Variants in HGF observed in about 807,000 individuals in gnomAD.
HGF encodes the protein fibroblast-derived tumor cytotoxic factor.
A neutral mutation model predicts 111.6 loss-of-function variants in HGF; 39 were observed. That is an observed-to-expected ratio of 0.35 (90% CI 0.27 to 0.46). The LOEUF is 0.46. Ranked by LOEUF, HGF falls within the 20% of genes least tolerant of loss-of-function variation. HGF has a pLI of 1.00. For missense variants in HGF, 735 were observed against 910.5 expected (o/e 0.81, Z 2.48); for synonymous variants, 285 against 294.8 (o/e 0.97, Z 0.34).
At chr7:81,753,747 TA>T (rs999619414) in intron 4 of HGF, among the ~76,000 whole-genome samples, 1 of 152,022 alleles carries the variant, frequency 6.6e-6, no homozygotes, top group African/African-American at 2.4e-5. Context: ...TCAATGCATC[TA>T]AGTAGTAATA....
In HGF at chr7:81,769,858, T is replaced by A. The variant is rs1554381022; in HGVS notation, c.88+26A>T. 7.3e-6 allele frequency: 11 copies of A among 1,499,046 alleles called. No individual in the cohort carries two copies. In the Admixed American group the frequency reaches 2.0e-4, roughly 27 times the overall value. 92.9% of individuals were successfully genotyped at this position (1,499,046 alleles called of 1,614,324 possible). A position where few individuals can be genotyped will look rare whatever the true frequency, so the allele number is the denominator to read the frequency against. ...CAGGAGAGTTAAATACTAATACTAA[T>A]AATGAAGAAGAAGAAGGGAACTAAC... On this transcript the variant is annotated intron_variant, in intron 1 of 17. Coordinates refer to ENST00000222390, the MANE Select transcript of HGF (RefSeq NM_000601.6).
At chr7:81,718,343 T>A (rs1472407153) in intron 10 of HGF, among the ~76,000 whole-genome samples, 2 of 152,180 alleles carry the variant, frequency 1.3e-5, no homozygotes, top group East Asian at 3.8e-4. Flanking sequence ...TATGAGATAG[T>A]CTTTAAGGTT....
chr7:81,744,758 G>T (rs879346656), intron 6 of HGF, among the ~76,000 whole-genome samples: 3 of 152,104 alleles, frequency 2.0e-5, no homozygotes, highest in Non-Finnish European at 4.4e-5. Context: ...TGACCAGTTG[G>T]CTATGTAGTC....
chr7:81,725,468 T>G (rs1031244614), intron 9 of HGF, among the ~76,000 whole-genome samples: 2 of 152,168 alleles, frequency 1.3e-5, no homozygotes, highest in African/African-American at 4.8e-5. Context: ...TAAGATCTTA[T>G]AGCAAGTAAG....
rs2115727629 is a variant in HGF, at chr7:81,699,720, C to T, written c.*2861G>A. On this transcript the variant is annotated 3_prime_UTR_variant, in exon 18 of 18. Coordinates refer to ENST00000222390, the MANE Select transcript of HGF (RefSeq NM_000601.6). ...CTATAACATTCACTTTGTACAGTAC[C>T]ATTGGTACCAACAAGAAATATTCAC... 6.6e-6 allele frequency: 1 copy of T among 151,686 alleles called. No homozygotes were observed. The highest frequency in any genetic ancestry group is 1.9e-4 in the East Asian group (1 of 5,162). The allele number at this position is 151,686 out of a possible 1,614,324, so 9.4% of individuals were successfully genotyped here.
chr7:81,713,557 T>C (rs1195510632), intron 11 of HGF, among the ~76,000 whole-genome samples: 2 of 151,396 alleles, frequency 1.3e-5, no homozygotes, highest in Non-Finnish European at 2.9e-5. Context: ...AAAAAATTTG[T>C]AGACACTATA....
At chr7:81,738,277 A>G (rs939702367) in intron 7 of HGF, among the ~76,000 whole-genome samples, 18 of 152,172 alleles carry the variant, frequency 1.2e-4, no homozygotes, top group African/African-American at 4.3e-4. Context: ...TTTGTCTCTG[A>G]AAAGCAGGAA....
At chr7:81,746,759 TA>T (rs1314736501) in intron 5 of HGF, among the ~76,000 whole-genome samples, 1 of 152,106 alleles carries the variant, frequency 6.6e-6, no homozygotes, top group Non-Finnish European at 1.5e-5. Flanking sequence ...AGCAGTATTA[TA>T]AAAATTTTTC....
intron 7 of HGF, among the ~76,000 whole-genome samples, chr7:81,739,159 T>TCC (rs1787926369): frequency 6.6e-6 from 1 of 152,134 alleles, no homozygotes; most frequent in Non-Finnish European, 1.5e-5. Context: ...CTTTTCTCTC[T>TCC]CCCTATCCCA....
chr7:81,715,360 A>C (rs1159751733), intron 11 of HGF, among the ~76,000 whole-genome samples: 2 of 152,082 alleles, frequency 1.3e-5, no homozygotes, highest in Non-Finnish European at 2.9e-5. Flanking sequence ...AATAATTTTT[A>C]AATATTTTTG....
Position 81,725,910 on chromosome 7 carries a change from C to G in HGF, c.1148G>C (p.Cys383Ser). 1.2e-6 allele frequency: 2 copies of G among 1,614,056 alleles called. No homozygotes were observed. The highest frequency in any genetic ancestry group is 1.7e-6 in the Non-Finnish European group (2 of 1,179,980). ...RVGYCSQIPNCDMSHGQDCYR... is the reference protein window; with the variant it reads ...RVGYCSQIPNSDMSHGQDCYR... The stretch of plus-strand genomic sequence containing the variant: ...ATTACCTTGTCCATGTGACATATCA[C>G]AGTTTGGAATTTGGGAGCAGTAGCC... The change falls in exon 9 of 18, where the codon TGT becomes TCT. Residue 383 changes from cysteine (C) to serine (S), a missense_variant. Around this residue, in one of 3 missense-constraint regions of HGF, gnomAD observed 553 missense variants for 685.6 expected, o/e 0.81. Coordinates refer to ENST00000222390, the MANE Select transcript of HGF (RefSeq NM_000601.6).
chr7:81,709,166 G>T (rs547760679), intron 13 of HGF, among the ~76,000 whole-genome samples: 2 of 152,212 alleles, frequency 1.3e-5, no homozygotes, highest in African/African-American at 2.4e-5. Context: ...GAACAGGAGG[G>T]TATTCTAAAA....
rs1788536605 is a variant in HGF, at chr7:81,752,184, G to C, written c.561C>G (p.Pro187=). Residue 187 remains proline (P), a synonymous_variant, in exon 5 of 18, where the codon CCC becomes CCG. Coordinates refer to ENST00000222390, the MANE Select transcript of HGF (RefSeq NM_000601.6). ...CCTCTGGATTGCTTGTGAAACACCA[G>C]GGTCCCCCTTCTTCCCCTCGAGGAT... The part of the protein sequence containing the change: ...CRNPRGEEGG[P]WCFTSNPEVR... The C allele has an allele frequency of 1.2e-6, 2 of 1,613,584 alleles. No homozygotes were observed. The highest frequency in any genetic ancestry group is 1.7e-6 in the Non-Finnish European group (2 of 1,179,626).
At position 81,758,816 on chromosome 7, in the gene HGF, A is replaced by G; in HGVS notation, c.255-12T>C. 1 of 1,544,468 alleles carries G rather than the reference A, an allele frequency of 6.5e-7. No homozygotes were observed. The highest frequency in any genetic ancestry group is 8.9e-7 in the Non-Finnish European group (1 of 1,117,400). ...CAAAAACAAAAGCCCTGAAAAAAAT[A>G]TCAGAATGAAAAGAAGAAATACTAC... On this transcript the variant is annotated splice_polypyrimidine_tract_variant and intron_variant, in intron 2 of 17. Transcript: ENST00000222390.
intron 13 of HGF, 27 bp from the exon 14 acceptor site, chr7:81,707,391 G>A (rs2115780394): frequency 7.3e-7 from 1 of 1,364,750 alleles, no homozygotes; most frequent in Non-Finnish European, 1.0e-6. Context: ...AGAGAAACAA[G>A]TAACATCTGT....
chr7:81,738,404 G>A (rs1238280585), intron 7 of HGF, among the ~76,000 whole-genome samples: 2 of 152,002 alleles, frequency 1.3e-5, no homozygotes, highest in African/African-American at 2.4e-5. Flanking sequence ...TTACATATTC[G>A]TGATGTCTTA....
chr7:81,751,529 C>T, intron 5 of HGF: 2 of 985,476 alleles, frequency 2.0e-6, no homozygotes, highest in Non-Finnish European at 2.4e-6. Context: ...GTTTGGTGGT[C>T]TCCATTGCTT....
rs138548003 is a variant in HGF, at chr7:81,706,340, G to C, written c.1704C>G (p.Ser568=). 2 of 1,612,428 alleles carry C rather than the reference G, an allele frequency of 1.2e-6. No homozygotes were observed. The highest frequency in any genetic ancestry group is 1.7e-6 in the Non-Finnish European group (2 of 1,178,862). ...ATCCTTCAGGGCCATATACCAGCTG[G>C]GAAACATTGAGAACCTGTTTGCATT... ...DEKCKQVLNV[S]QLVYGPEGSD... Residue 568 remains serine, a synonymous_variant, in exon 15 of 18, where the codon TCC becomes TCG. Transcript: ENST00000222390.
At chr7:81,745,522 C>G (rs567839565) in intron 5 of HGF, among the ~76,000 whole-genome samples, 261 of 152,258 alleles carry the variant, frequency 1.7e-3, no homozygotes, top group African/African-American at 6.1e-3. Context: ...AATTTGCCCT[C>G]CAAATACATA....
Sources: gnomAD v4.1 joint callset for allele counts (sites outside exome capture counted in the v4.1 genomes callset) on GRCh38, gnomAD v4.1.1 for gene constraint, gnomAD v4.1.1 regional missense constraint, MANE v1.5 for transcripts, NCBI Gene and HGNC (gene_info 2026-07-23, HGNC 2026-07-21) for gene names.